Variants in TRAF3 observed in about 807,000 individuals in gnomAD.
TRAF3 encodes TNF receptor associated factor 3.
TRAF3 carries 13 observed loss-of-function variants against 62.3 expected under a neutral mutation model. The ratio of observed to expected loss-of-function variants is 0.21; its 90% CI spans 0.14 to 0.33. The LOEUF (loss-of-function observed/expected upper bound fraction) is 0.33. Among genes scored for constraint, TRAF3 ranks in the 10% least tolerant of loss-of-function variants. The pLI is 1.00. For missense variants in TRAF3, 440 were observed against 741.8 expected (o/e 0.59, Z 4.73); for synonymous variants, 269 against 283.4 (o/e 0.95, Z 0.51).
rs758606515 is a variant in TRAF3, at chr14:102,903,194, G to T, written c.961-61G>T. On this transcript the variant is annotated intron_variant, in intron 10 of 11. Transcript: ENST00000392745. The surrounding 1 kb of genome is among the most constrained non-coding windows in gnomAD (Gnocchi z 6.4). Reference sequence around the variant, plus strand: ...CTAGCCTGTCTGTATTTGATGGAAGGTGGTGCAGCATTTTCCGAGTCCTAA... The same window carrying T: ...CTAGCCTGTCTGTATTTGATGGAAGTTGGTGCAGCATTTTCCGAGTCCTAA... 1.9e-6 allele frequency: 3 copies of T among 1,609,254 alleles called. No individual in the cohort carries two copies. Among genetic ancestry groups the T allele is most frequent in the Non-Finnish European group, 2.6e-6 (3 of 1,175,934 alleles).
At chr14:102,820,398 C>G (rs544344214) in intron 1 of TRAF3, among the ~76,000 whole-genome samples, 9 of 151,868 alleles carry the variant, frequency 5.9e-5, no homozygotes, top group Non-Finnish European at 8.8e-5. Context: ...CAGTCACACA[C>G]TCTGCCCTCT....
At chr14:102,874,739 C>G (rs1275977548) in intron 4 of TRAF3, among the ~76,000 whole-genome samples, 1 of 151,936 alleles carries the variant, frequency 6.6e-6, no homozygotes, top group African/African-American at 2.4e-5. Flanking sequence ...CATCCTCTAC[C>G]TGCCAGGCTA....
intron 7 of TRAF3, among the ~76,000 whole-genome samples, chr14:102,888,818 A>G (rs563451237): frequency 2.7e-4 from 41 of 152,308 alleles, no homozygotes; most frequent in Non-Finnish European, 4.6e-4. Context: ...AATCCTTTCC[A>G]TTCCCTTTTC....
In TRAF3 at chr14:102,853,828, G is replaced by A. The variant is rs867156301; in HGVS notation, c.-17-16357G>A. On this transcript the variant is annotated intron_variant, in intron 2 of 11. Coordinates refer to ENST00000392745, the MANE Select transcript of TRAF3 (RefSeq NM_145725.3). ...ACTCTAGCCTGGGCGACAGAGGCAA[G>A]ACTCCGTCTAAAAAAAAAAAAAAAA... Among the ~76,000 whole-genome samples, 20 of 135,696 alleles carry A rather than the reference G, an allele frequency of 1.5e-4. No homozygotes were observed. The South Asian group carries it at 4.2e-3, about 28-fold the overall frequency. The allele number at this position is 135,696 out of a possible 152,430, so 89.0% of individuals were successfully genotyped here.
At chr14:102,883,576 C>CT (rs989946483) in intron 6 of TRAF3, among the ~76,000 whole-genome samples, 30 of 150,942 alleles carry the variant, frequency 2.0e-4, no homozygotes, top group South Asian at 1.5e-3. Context: ...TGTAGTTATG[C>CT]TTTTTTTTTC....
intron 11 of TRAF3, among the ~76,000 whole-genome samples, chr14:102,904,625 A>T (rs971551832): frequency 2.6e-5 from 4 of 151,608 alleles, no homozygotes; most frequent in African/African-American, 9.7e-5. Context: ...CCTGGCTAAC[A>T]CGGTGAAACC....
At chr14:102,867,032 A>G (rs1888039435) in intron 2 of TRAF3, among the ~76,000 whole-genome samples, 1 of 152,210 alleles carries the variant, frequency 6.6e-6, no homozygotes, top group African/African-American at 2.4e-5. Context: ...AGAAATTAAG[A>G]TGACTGATAA....
intron 2 of TRAF3, among the ~76,000 whole-genome samples, chr14:102,854,636 T>C (rs1340641658): frequency 6.6e-6 from 1 of 152,124 alleles, no homozygotes; most frequent in Non-Finnish European, 1.5e-5. Flanking sequence ...TAGCTGGGAC[T>C]ACAGGTGTGC....
At chr14:102,782,182 A>T (rs1438610872) in intron 1 of TRAF3, among the ~76,000 whole-genome samples, 1 of 151,858 alleles carries the variant, frequency 6.6e-6, no homozygotes, top group African/African-American at 2.4e-5. Context: ...CAGGTGATCC[A>T]CCTCAGCCTC....
intron 1 of TRAF3, among the ~76,000 whole-genome samples, chr14:102,801,762 T>C (rs1359241905): frequency 6.6e-6 from 1 of 151,948 alleles, no homozygotes; most frequent in African/African-American, 2.4e-5. Context: ...CTCACATCTG[T>C]AATCCCAGCG....
intron 2 of TRAF3, among the ~76,000 whole-genome samples, chr14:102,852,859 G>A (rs1887128907): frequency 6.6e-6 from 1 of 151,670 alleles, no homozygotes; most frequent in Non-Finnish European, 1.5e-5. Flanking sequence ...GTGTCACCAT[G>A]CCAGGCTAAT....
intron 2 of TRAF3, among the ~76,000 whole-genome samples, chr14:102,846,022 G>A (rs1353576683): frequency 2.1e-5 from 3 of 142,920 alleles, no homozygotes; most frequent in Non-Finnish European, 3.0e-5. Flanking sequence ...CTATTATACC[G>A]CTGTTCAGTT....
chr14:102,886,327 C>T, intron 7 of TRAF3, 58 bp downstream of exon 7: 1 of 1,443,350 alleles, frequency 6.9e-7, no homozygotes, highest in Non-Finnish European at 9.5e-7. Flanking sequence ...GCGTGCCTGG[C>T]TCCCCTTCCC....
intron 2 of TRAF3, among the ~76,000 whole-genome samples, chr14:102,839,145 G>C (rs979532296): frequency 6.7e-6 from 1 of 150,114 alleles, no homozygotes; most frequent in Non-Finnish European, 1.5e-5. Context: ...TACAAAATGA[G>C]CAGGCTAATT....
At chr14:102,891,900 G>T (rs147300493) in intron 9 of TRAF3, among the ~76,000 whole-genome samples, 2 of 151,988 alleles carry the variant, frequency 1.3e-5, no homozygotes, top group Non-Finnish European at 2.9e-5. Context: ...CTCTAAATGC[G>T]TTAAACTTCT....
rs578084943 is a variant in TRAF3 at position 102,791,787 on chromosome 14, G to A, written c.-157+14112G>A. On this transcript the variant is annotated intron_variant, in intron 1 of 11. Transcript: ENST00000392745. ...GGGGAAGCTTTTCACCATTGATTATGAAGTTAGCTGTGTTTTCTTTCTTTC... is the reference window on the plus strand; with the variant it reads ...GGGGAAGCTTTTCACCATTGATTATAAAGTTAGCTGTGTTTTCTTTCTTTC... Among the ~76,000 whole-genome samples, 5 of 151,846 alleles carry A rather than the reference G, an allele frequency of 3.3e-5. No homozygotes were observed. The South Asian group carries it at 1.0e-3, about 32-fold the overall frequency.
At chr14:102,806,747 G>C (rs140012277) in intron 1 of TRAF3, among the ~76,000 whole-genome samples, 6 of 152,152 alleles carry the variant, frequency 3.9e-5, no homozygotes, top group East Asian at 1.9e-4. Context: ...GGCAGGGCTG[G>C]GGGGAGGTCA....
intron 2 of TRAF3, among the ~76,000 whole-genome samples, chr14:102,852,958 A>G (rs920337441): frequency 6.6e-6 from 1 of 152,068 alleles, no homozygotes; most frequent in African/African-American, 2.4e-5. Context: ...CAGCGGCACA[A>G]TCTCGGCTTA....
chr14:102,857,618 C>T (rs539839038), intron 2 of TRAF3, among the ~76,000 whole-genome samples: 1 of 152,262 alleles, frequency 6.6e-6, no homozygotes, highest in East Asian at 1.9e-4. Context: ...GGTTCCTGGG[C>T]CTGTCGGAAA....
Sources: gnomAD v4.1 joint callset for allele counts (sites outside exome capture counted in the v4.1 genomes callset) on GRCh38, gnomAD v4.1.1 for gene constraint, Gnocchi (gnomAD v3.1) non-coding constraint, MANE v1.5 for transcripts, NCBI Gene and HGNC (gene_info 2026-07-23, HGNC 2026-07-21) for gene names.